The following CROCC2 variants were observed in gnomAD, a reference collection of about 807,000 sequenced individuals.
CROCC2 encodes ciliary rootlet coiled-coil protein 2.
Under a neutral mutation model 177.6 loss-of-function variants are expected in CROCC2, and 163 were observed. That is an observed-to-expected ratio of 0.92 (90% CI 0.81 to 1.05). CROCC2 has a LOEUF of 1.05. CROCC2 is among the 50% of genes least tolerant of loss of function. The probability of loss-of-function intolerance (pLI) is 0.00; values close to 1 mark genes in which losing one functional copy is unlikely to be tolerated. For missense variants in CROCC2, 1,929 were observed against 1,797.8 expected, an observed-to-expected ratio of 1.07 and a Z score of -1.32; for synonymous variants, 904 against 787.3, an observed-to-expected ratio of 1.15 and a Z score of -2.48.
chr2:240,967,521 A>G, intron 26 of CROCC2, 56 bp downstream of exon 26: 1 of 1,535,300 alleles, frequency 6.5e-7, no homozygotes, highest in Non-Finnish European at 8.8e-7. Context: ...GAGTGGCACC[A>G]CCATGTCCCC....
chr2:240,961,456 G>C (rs2059632761), intron 20 of CROCC2, among the ~76,000 whole-genome samples: 1 of 151,720 alleles, frequency 6.6e-6, no homozygotes, highest in Admixed American at 6.6e-5. Context: ...CACATACGTA[G>C]TGCATGCACA....
At chr2:240,992,805 G>T (rs747195250) in intron 31 of CROCC2, among the ~76,000 whole-genome samples, 2 of 152,214 alleles carry the variant, frequency 1.3e-5, no homozygotes, top group Non-Finnish European at 2.9e-5. Context: ...AGCGTGTGGT[G>T]CTCAGGGCCT....
chr2:240,918,547 C>A lies in CROCC2; in HGVS notation c.79-179C>A, dbSNP rs531199881. On this transcript the variant is annotated intron_variant, in intron 1 of 31. Transcript: ENST00000690015. This position sits in a 1 kb window ranked among gnomAD's most constrained non-coding sequence, Gnocchi z 6.3. ...CCTGGGGACAGGCGCAGCCCCACTC[C>A]GCAGGTGCAGAACCAAGGCATGCGC... 6.6e-6 allele frequency among the ~76,000 whole-genome samples: 1 copy of A among 152,240 alleles called. No homozygotes were observed. The highest frequency in any genetic ancestry group is 1.5e-5 in the Non-Finnish European group (1 of 68,022).
Position 240,965,812 on chromosome 2 carries a change from T to C in CROCC2, c.3780T>C (p.Ala1260=). The C allele has an allele frequency of 1.4e-6, 2 of 1,467,626 alleles. No individual in the cohort carries two copies. The highest frequency in any genetic ancestry group is 1.8e-6 in the Non-Finnish European group (2 of 1,107,450). The allele number at this position is 1,467,626 out of a possible 1,614,324, so 90.9% of individuals were successfully genotyped here. The change falls in exon 24 of 32, where the codon GCT becomes GCC. Residue 1260 remains alanine, a synonymous_variant. Transcript: ENST00000690015. ...GTGGTGTGGCTGATGCTCTCCAGGC[T>C]CGCCTGGACCAGGCCTGTCACCGAA... ...EASGVADALQ[A]RLDQACHRIH...
intron 18 of CROCC2, chr2:240,955,136 G>A (rs1347940158): frequency 6.6e-6 from 1 of 151,932 alleles, no homozygotes; most frequent in Non-Finnish European, 1.5e-5. Context: ...TTCTGTTTCT[G>A]GGCTGCATGC....
rs563674656 is a variant in CROCC2 at position 240,968,647 on chromosome 2, AGCCTTGGG to A, written c.4401+388_4401+395del. On this transcript the variant is annotated intron_variant, in intron 27 of 31. Transcript: ENST00000690015. ...GGCAGGCATGGGGCGGCCCTGGCCC[AGCCTTGGG>A]GCTCTTTATAGGGTCACACTGTCCT... is the stretch of plus-strand genomic sequence containing the variant. Among the ~76,000 whole-genome samples the A allele has an allele frequency of 5.4e-4, 83 of 152,358 alleles. No individual in the cohort carries two copies. In the East Asian group the frequency reaches 0.015, roughly 28 times the overall value.
intron 20 of CROCC2, among the ~76,000 whole-genome samples, chr2:240,961,053 G>T (rs1295163033): frequency 6.6e-6 from 1 of 151,894 alleles, no homozygotes; most frequent in Non-Finnish European, 1.5e-5. Context: ...GAAAGGGAGT[G>T]GGGGCTAAAA....
intron 21 of CROCC2, 188 bp downstream of exon 21, chr2:240,963,961 C>T (rs900638006): frequency 7.4e-5 from 47 of 632,910 alleles, no homozygotes; most frequent in Admixed American, 7.4e-4. Flanking sequence ...CTGGCCAGTG[C>T]GAGGGATGGC....
At chr2:240,929,202 A>G (rs920994937) in intron 5 of CROCC2, among the ~76,000 whole-genome samples, 1 of 152,090 alleles carries the variant, frequency 6.6e-6, no homozygotes, top group African/African-American at 2.4e-5. Context: ...CTAATACCTG[A>G]AGTTCTTCAA....
Position 240,959,394 on chromosome 2 carries a change from C to A in CROCC2, c.3037C>A (p.Arg1013Ser). Residue 1013 changes from arginine to serine, a missense_variant, in exon 20 of 32, where the codon CGC becomes AGC. By Grantham distance (110) the Arg-to-Ser change is moderately radical. Coordinates refer to ENST00000690015, the MANE Select transcript of CROCC2 (RefSeq NM_001351305.2). ...CCATCAGAGGGAGACCACGGCCCTACGCGAGAGCCTCCAGGACCTAGCGGC... is the reference window on the plus strand; with the variant it reads ...CCATCAGAGGGAGACCACGGCCCTAAGCGAGAGCCTCCAGGACCTAGCGGC... ...TAHQRETTAL[R>S]ESLQDLAAER... 6.4e-7 allele frequency: 1 copy of A among 1,550,476 alleles called. No homozygotes were observed. The highest frequency in any genetic ancestry group is 8.7e-7 in the Non-Finnish European group (1 of 1,146,900).
intron 1 of CROCC2, among the ~76,000 whole-genome samples, chr2:240,909,848 G>C (rs574908600): frequency 6.6e-6 from 1 of 152,156 alleles, no homozygotes; most frequent in Non-Finnish European, 1.5e-5. Flanking sequence ...CAGCTGTCCA[G>C]ATGGGCAGCA....
chr2:240,931,886 C>T (rs1183062178), intron 7 of CROCC2, among the ~76,000 whole-genome samples: 1 of 152,254 alleles, frequency 6.6e-6, no homozygotes, highest in Non-Finnish European at 1.5e-5. Flanking sequence ...GGGCCTGAGC[C>T]ACAGGAAGGG....
At chr2:240,975,711 C>G (rs59534919) in intron 27 of CROCC2, among the ~76,000 whole-genome samples, 3,153 of 148,850 alleles carry the variant, frequency 0.021, 163 homozygotes, top group African/African-American at 0.075. Flanking sequence ...CAGCATCCAA[C>G]CAGCCTGCTT....
chr2:240,955,362 TC>T (rs1290052710), intron 18 of CROCC2: 1 of 156,036 alleles, frequency 6.4e-6, no homozygotes, highest in Admixed American at 6.2e-5. Context: ...AGGCATTGCT[TC>T]CACAGCCTGG....
rs2059729786 is a variant in CROCC2 at position 240,972,631 on chromosome 2, CA to C, written c.4401+4370del. Among the ~76,000 whole-genome samples, 1 of 151,762 alleles carries C rather than the reference CA, an allele frequency of 6.6e-6. No individual in the cohort carries two copies. Among genetic ancestry groups the C allele is most frequent in the Non-Finnish European group, 1.5e-5 (1 of 67,984 alleles). Reference sequence around the variant, plus strand: ...CATTGACCAGACCTTTGTCTGTATGCATTTTTCTGCTTGGTCTAGAATTTGC... The same window carrying C: ...CATTGACCAGACCTTTGTCTGTATGCTTTTTCTGCTTGGTCTAGAATTTGC... On this transcript the variant is annotated intron_variant, in intron 27 of 31. Coordinates refer to ENST00000690015, the MANE Select transcript of CROCC2 (RefSeq NM_001351305.2). The surrounding 1 kb of genome is among the most constrained non-coding windows in gnomAD (Gnocchi z 7.1).
chr2:240,927,045 T>C (rs1274353050), intron 5 of CROCC2, among the ~76,000 whole-genome samples: 1 of 152,220 alleles, frequency 6.6e-6, no homozygotes, highest in Non-Finnish European at 1.5e-5. Flanking sequence ...CAGGTCTTTA[T>C]TTTCCCTTTG....
chr2:240,933,400 C>A, intron 10 of CROCC2, 58 bp downstream of exon 10: 3 of 1,417,494 alleles, frequency 2.1e-6, no homozygotes, highest in Non-Finnish European at 2.8e-6. Context: ...CCTGAGGGCC[C>A]AGGGCTGCTG....
At chr2:240,948,847 T>A (rs2059537643) in intron 15 of CROCC2, 132 bp from the exon 16 acceptor site, 1 of 844,308 alleles carries the variant, frequency 1.2e-6, no homozygotes, top group Admixed American at 2.3e-5. Context: ...AGATGCACCA[T>A]AATTTCTAAA....
chr2:240,935,938 G>A (rs926148113), intron 14 of CROCC2, among the ~76,000 whole-genome samples: 2 of 152,282 alleles, frequency 1.3e-5, no homozygotes, highest in Non-Finnish European at 2.9e-5. Flanking sequence ...TGAACTCTGC[G>A]ACTGCACATT....
Sources: gnomAD v4.1 joint callset for allele counts (sites outside exome capture counted in the v4.1 genomes callset) on GRCh38, gnomAD v4.1.1 for gene constraint, Gnocchi (gnomAD v3.1) non-coding constraint, MANE v1.5 for transcripts, NCBI Gene and HGNC (gene_info 2026-07-23, HGNC 2026-07-21) for gene names.